Variants in LAMA5 observed in about 807,000 individuals in gnomAD.
LAMA5 encodes the protein laminin subunit alpha 5, also known as laminin subunit alpha-5.
Under a neutral mutation model 433.4 loss-of-function variants are expected in LAMA5, and 260 were observed. The observed-to-expected ratio is 0.60, with a 90% CI of 0.54 to 0.66. The LOEUF (loss-of-function observed/expected upper bound fraction) is 0.66, where lower values mean the gene tolerates loss of function less well. Among genes scored for constraint, LAMA5 ranks in the 30% least tolerant of loss-of-function variants. LAMA5 has a pLI of 0.00. For missense variants in LAMA5, 5,378 were observed against 5,258.5 expected (o/e 1.02, Z -0.70); for synonymous variants, 2,620 against 2,226.6 (o/e 1.18, Z -4.97).
chr20:62,348,975 A>T (rs564543877), intron 6 of LAMA5, among the ~76,000 whole-genome samples: 9 of 152,314 alleles, frequency 5.9e-5, no homozygotes, highest in African/African-American at 2.2e-4. Flanking sequence ...TCTTGAATTA[A>T]TAATGAACAC....
In LAMA5 at chr20:62,320,757, G is replaced by A; in HGVS notation, c.6630C>T (p.Ala2210=). 6.2e-7 allele frequency: 1 copy of A among 1,612,692 alleles called. No individual in the cohort carries two copies. The highest frequency in any genetic ancestry group is 8.5e-7 in the Non-Finnish European group (1 of 1,179,906). ...MAWARLHRLN[A]SIADLQSQLR... ...TCAGTACCTGCAGGTCAGCGATGGA[G>A]GCGTTCAGCCTGTGCAGACGGGCCC... Residue 2210 remains alanine (A), a synonymous_variant, in exon 49 of 80, where the codon GCC becomes GCT. Coordinates refer to ENST00000252999, the MANE Select transcript of LAMA5 (RefSeq NM_005560.6).
At position 62,333,786 on chromosome 20, in the gene LAMA5, A is replaced by G. The variant is rs553022997; in HGVS notation, c.2879-80T>C. ...CTGCACCCCCTACAGGGTTGGGGAT[A>G]GGCTGGTCCTACCACCCACATGAGC... On this transcript the variant is annotated intron_variant, in intron 23 of 79. Transcript: ENST00000252999. 2.5e-5 allele frequency: 31 copies of G among 1,247,856 alleles called. No individual in the cohort carries two copies. In the South Asian group the frequency reaches 3.6e-4, roughly 14 times the overall value. 77.3% of individuals were successfully genotyped at this position (1,247,856 alleles called of 1,614,324 possible).
chr20:62,318,455 A>C lies in LAMA5; in HGVS notation c.7238T>G (p.Leu2413Arg). 1.3e-6 allele frequency: 2 copies of C among 1,578,614 alleles called. No individual in the cohort carries two copies. ...SRNQERLEEALQRKQELSRDN... is the reference protein window; with the variant it reads ...SRNQERLEEARQRKQELSRDN... ...GAAGAACAAGTCCGGGGTCCTCACC[A>C]GGGCTTCCTCCAGGCGCTCCTGGTT... The change falls in exon 53 of 80, where the codon CTG becomes CGG. Residue 2413 changes from leucine (L) to arginine (R), a missense_variant and splice_region_variant. Coordinates refer to ENST00000252999, the MANE Select transcript of LAMA5 (RefSeq NM_005560.6).
Position 62,329,263 on chromosome 20 carries a change from G to A in LAMA5, c.4120-10C>T. The A allele has an allele frequency of 6.3e-7, 1 of 1,598,266 alleles. No homozygotes were observed. Among genetic ancestry groups the A allele is most frequent in the Non-Finnish European group, 8.6e-7 (1 of 1,167,450 alleles). ...CCACGAGTACATAATCCTAGGGGGT[G>A]AGGCCTGGTCACTCTCCCGCGGGCC... is the stretch of plus-strand genomic sequence containing the variant. On this transcript the variant is annotated splice_polypyrimidine_tract_variant and intron_variant, in intron 32 of 79. Transcript: ENST00000252999.
intron 11 of LAMA5, among the ~76,000 whole-genome samples, chr20:62,339,413 T>A (rs566721773): frequency 6.6e-6 from 1 of 152,026 alleles, no homozygotes; most frequent in South Asian, 2.1e-4. Flanking sequence ...AATTTTTGTA[T>A]TTTTAGTAGA....
rs946707162 is a variant in LAMA5, at chr20:62,318,711, T to C, written c.7043-61A>G. The C allele has an allele frequency of 1.6e-5, 26 of 1,583,292 alleles. No individual in the cohort carries two copies. The Admixed American group carries it at 4.4e-4, about 27-fold the overall frequency. ...AGCCAGGCCCCTTCATGACCCCTGGTCTCCACTTGGTGCCCGCCAGATCCA... is the reference window on the plus strand; with the variant it reads ...AGCCAGGCCCCTTCATGACCCCTGGCCTCCACTTGGTGCCCGCCAGATCCA... On this transcript the variant is annotated intron_variant, in intron 52 of 79. Transcript: ENST00000252999.
At position 62,311,406 on chromosome 20, in the gene LAMA5, G is replaced by A. The variant is rs372768596; in HGVS notation, c.9937C>T (p.Arg3313Trp). The change falls in exon 72 of 80, where the codon CGG becomes TGG. Residue 3313 changes from arginine (R) to tryptophan (W), a missense_variant. Coordinates refer to ENST00000252999, the MANE Select transcript of LAMA5 (RefSeq NM_005560.6). ...CTCACCCCTGGGGTGCCCACCTTCC[G>A]GGCGGTGGCCTGCAGTCCTCTAGGC... ...LGPRGLQATA[R>W]KASRRSRQPA... The A allele has an allele frequency of 1.0e-5, 16 of 1,562,882 alleles. No homozygotes were observed. Among genetic ancestry groups the A allele is most frequent in the East Asian group, 2.3e-5 (1 of 42,664 alleles).
intron 57 of LAMA5, chr20:62,316,466 G>A (rs1364275183): frequency 1.1e-5 from 6 of 528,042 alleles, no homozygotes; most frequent in East Asian, 3.0e-5. Context: ...TGCCTCGCAG[G>A]AGGCTGCTCC....
intron 2 of LAMA5, among the ~76,000 whole-genome samples, chr20:62,361,911 C>A (rs894883981): frequency 1.3e-5 from 2 of 152,232 alleles, no homozygotes; most frequent in African/African-American, 4.8e-5. Flanking sequence ...GAGCTGGGGA[C>A]TGGAGAGCAG....
rs371846904 is a variant in LAMA5 at position 62,315,041 on chromosome 20, G to A, written c.8034C>T (p.Asp2678=). Residue 2678 remains aspartate, a synonymous_variant, in exon 59 of 80, where the codon GAC becomes GAT. Coordinates refer to ENST00000252999, the MANE Select transcript of LAMA5 (RefSeq NM_005560.6). ...CCATGGGCGCACCTGAGTGGCCTGCGTCAAGCACTGCCTGGCCCAGGTCCT... is the reference window on the plus strand; with the variant it reads ...CCATGGGCGCACCTGAGTGGCCTGCATCAAGCACTGCCTGGCCCAGGTCCT... The part of the protein sequence containing the change: ...RGQDLGQAVL[D]AGHSVSTLEK... The A allele has an allele frequency of 4.2e-5, 67 of 1,594,890 alleles. No individual in the cohort carries two copies. The highest frequency in any genetic ancestry group is 1.8e-4 in the South Asian group (16 of 90,148).
chr20:62,310,940 G>C lies in LAMA5; in HGVS notation c.10243C>G (p.Gln3415Glu). 1 of 1,611,114 alleles carries C rather than the reference G, an allele frequency of 6.2e-7. No individual in the cohort carries two copies. The highest frequency in any genetic ancestry group is 1.3e-5 in the African/African-American group (1 of 75,044). The change falls in exon 74 of 80, where the codon CAG becomes GAG. Residue 3415 changes from glutamine (Q) to glutamate (E), a missense_variant. Coordinates refer to ENST00000252999, the MANE Select transcript of LAMA5 (RefSeq NM_005560.6). The part of the protein sequence containing the change: ...MEGLGTRLRA[Q>E]SRQRSRPGRW... ...CCAGGCCGGGAGCGCTGGCGGCTCT[G>C]GGCGCGGAGCCGAGTCCCGAGGCCT...
At chr20:62,338,692 A>G in intron 11 of LAMA5, 84 bp from the exon 12 acceptor site, 1 of 1,346,282 alleles carries the variant, frequency 7.4e-7, no homozygotes, top group Non-Finnish European at 1.0e-6. Context: ...CCTCTCCACA[A>G]ACTCATTTTC....
At chr20:62,364,361 G>C (rs1395254206) in intron 1 of LAMA5, among the ~76,000 whole-genome samples, 1 of 152,180 alleles carries the variant, frequency 6.6e-6, no homozygotes, top group Admixed American at 6.5e-5. Flanking sequence ...CCAGACACAC[G>C]AGCAGCAGAG....
At chr20:62,345,195 G>A (rs985750314) in intron 11 of LAMA5, among the ~76,000 whole-genome samples, 2 of 151,796 alleles carry the variant, frequency 1.3e-5, no homozygotes, top group Admixed American at 6.6e-5. Context: ...TAGAGACGGG[G>A]TTTCACCATG....
rs1457945059 is a variant in LAMA5 at position 62,310,554 on chromosome 20, C to T, written c.10465G>A (p.Gly3489Ser). 8.4e-6 allele frequency: 13 copies of T among 1,547,992 alleles called. No individual in the cohort carries two copies. The highest frequency in any genetic ancestry group is 1.1e-5 in the Non-Finnish European group (13 of 1,152,082). ...TGCAGCCTCAGTCTCTTCACACAGC[C>T]GCTGAACCCGACGGTCACCTATAGG... ...SKLPVTVGFS[G>S]CVKRLRLHGR... The change falls in exon 76 of 80, where the codon GGC (glycine) becomes AGC (serine). Residue 3489 changes from glycine to serine, a missense_variant. Physicochemically the swap from Gly to Ser is moderately conservative, Grantham distance 56 (BLOSUM62 0). Transcript: ENST00000252999.
In LAMA5 at chr20:62,327,655, G is replaced by A. The variant is rs201186158; in HGVS notation, c.4812C>T (p.Gly1604=). 1.9e-5 allele frequency: 30 copies of A among 1,613,068 alleles called. 1 individual carries two copies. The East Asian group carries it at 6.5e-4, about 35-fold the overall frequency. ...CAAGGCTGCACTGGTCACATTTGGG[G>A]CCCTGCACGTTCTCCTAGGGATGAG... ...GQCYCKENVQ[G]PKCDQCSLGT... The change falls in exon 37 of 80, where the codon GGC becomes GGT. Residue 1604 remains glycine, a synonymous_variant. Coordinates refer to ENST00000252999, the MANE Select transcript of LAMA5 (RefSeq NM_005560.6).
chr20:62,335,077 G>T lies in LAMA5; in HGVS notation c.2426C>A (p.Ala809Glu). The T allele has an allele frequency of 6.2e-7, 1 of 1,613,006 alleles. No homozygotes were observed. Among genetic ancestry groups the T allele is most frequent in the Non-Finnish European group, 8.5e-7 (1 of 1,179,716 alleles). Residue 809 changes from alanine (A) to glutamate (E), a missense_variant, in exon 20 of 80, where the codon GCG (alanine) becomes GAG (glutamate). Transcript: ENST00000252999. ...CKPHVCGQAC[A>E]SCKDGFFGLD... ...TCCAAAGAAGCCATCCTTGCAGGAC[G>T]CGCAGGCCTGGCCGCACACGTGGGG...
rs1292078365 is a variant in LAMA5 at position 62,315,306 on chromosome 20, AC to A, written c.7868-100del. 4 of 1,037,424 alleles carry A rather than the reference AC, an allele frequency of 3.9e-6. No homozygotes were observed. The African/African-American group carries it at 6.4e-5, about 17-fold the overall frequency. 64.3% of individuals were successfully genotyped at this position (1,037,424 alleles called of 1,614,324 possible). A position where few individuals can be genotyped will look rare whatever the true frequency, so the allele number is the denominator to read the frequency against. On this transcript the variant is annotated intron_variant, in intron 58 of 79. Transcript: ENST00000252999. The stretch of plus-strand genomic sequence containing the variant: ...GTTGGGCCAGCAACAGGGACATCCA[AC>A]CCCCTATGGATCGTGTGAGACCCTC...
At chr20:62,310,872 CCCA>C in intron 74 of LAMA5, 27 bp downstream of exon 74, 1 of 1,605,208 alleles carries the variant, frequency 6.2e-7, no homozygotes, top group Non-Finnish European at 8.5e-7. Context: ...CCAGGCCCTG[CCCA>C]CCACCTTCCT....
Sources: allele counts gnomAD v4.1 joint callset (sites outside exome capture counted in the v4.1 genomes callset), GRCh38; gene constraint gnomAD v4.1.1; transcripts MANE v1.5; gene names NCBI Gene and HGNC (gene_info 2026-07-23, HGNC 2026-07-21).